The following NAV2 variants were observed in gnomAD, a reference collection of about 807,000 sequenced individuals.
NAV2 encodes the protein neuron navigator 2.
NAV2 carries 54 observed loss-of-function variants against 223.2 expected under a neutral mutation model. That is an observed-to-expected ratio of 0.24 (90% confidence interval 0.19 to 0.30). The LOEUF (loss-of-function observed/expected upper bound fraction) is 0.30, where lower values mean the gene tolerates loss of function less well. Ranked by LOEUF, NAV2 falls within the 10% of genes least tolerant of loss-of-function variation. The pLI is 1.00. For synonymous variants in NAV2, 1,279 were observed against 1,239.3 expected (o/e 1.03, Z -0.67); for missense variants, 2,806 against 3,147.5 (o/e 0.89, Z 2.60).
intron 1 of NAV2, among the ~76,000 whole-genome samples, chr11:19,697,060 G>C (rs1470557201): frequency 6.6e-6 from 1 of 152,210 alleles, no homozygotes; most frequent in Non-Finnish European, 1.5e-5. Context: ...TCAGAGAGCT[G>C]TACTTACCTC....
chr11:19,530,655 G>C (rs2044002950), intron 1 of NAV2, among the ~76,000 whole-genome samples: 1 of 152,208 alleles, frequency 6.6e-6, no homozygotes. Context: ...CTGTGGTTTT[G>C]TGACAAGCTC....
At chr11:19,424,109 TG>T (rs1850729053) in intron 1 of NAV2, among the ~76,000 whole-genome samples, 1 of 152,240 alleles carries the variant, frequency 6.6e-6, no homozygotes, top group Admixed American at 6.5e-5. Flanking sequence ...TGAGCTGCTT[TG>T]GCAGGGAAAT....
At chr11:19,516,224 T>A (rs1015027148) in intron 1 of NAV2, among the ~76,000 whole-genome samples, 5 of 152,182 alleles carry the variant, frequency 3.3e-5, no homozygotes, top group Non-Finnish European at 7.3e-5. Context: ...ATGATGGGGA[T>A]CTTTTGTCTT....
intron 1 of NAV2, among the ~76,000 whole-genome samples, chr11:19,493,340 T>C (rs1212566308): frequency 1.3e-5 from 2 of 152,244 alleles, no homozygotes; most frequent in South Asian, 2.1e-4. Context: ...TTATACAGCA[T>C]GATCTCATAA....
chr11:19,831,462 G>A (rs2059939083), intron 1 of NAV2, among the ~76,000 whole-genome samples: 1 of 151,896 alleles, frequency 6.6e-6, no homozygotes, highest in Non-Finnish European at 1.5e-5. Flanking sequence ...GTTGAGGCAG[G>A]ACATTCTCCT....
At chr11:19,386,010 C>T (rs1203764079) in intron 1 of NAV2, among the ~76,000 whole-genome samples, 2 of 152,128 alleles carry the variant, frequency 1.3e-5, no homozygotes, top group East Asian at 3.9e-4. Flanking sequence ...ATGATCCACC[C>T]GCCCTGGCCT....
At chr11:19,907,538 A>C (rs757118462) in intron 6 of NAV2, among the ~76,000 whole-genome samples, 1 of 151,844 alleles carries the variant, frequency 6.6e-6, no homozygotes, top group South Asian at 2.1e-4. Flanking sequence ...GGGAGGGGGA[A>C]TTTGAGACAG....
At chr11:19,761,501 A>G (rs1239185047) in intron 1 of NAV2, among the ~76,000 whole-genome samples, 1 of 152,200 alleles carries the variant, frequency 6.6e-6, no homozygotes, top group African/African-American at 2.4e-5. Context: ...TCCACCAGGT[A>G]AAGACCAGAG....
At chr11:20,010,089 A>G (rs370172832) in intron 11 of NAV2, among the ~76,000 whole-genome samples, 5 of 152,200 alleles carry the variant, frequency 3.3e-5, no homozygotes, top group Admixed American at 2.0e-4. Context: ...CTGCTCAGAC[A>G]GGTAGACTAG....
intron 1 of NAV2, among the ~76,000 whole-genome samples, chr11:19,830,886 T>C (rs1250599151): frequency 1.3e-5 from 2 of 152,182 alleles, no homozygotes. Flanking sequence ...TTGAAAATAC[T>C]CTTGCTTTAC....
At chr11:19,488,492 G>A (rs952541216) in intron 1 of NAV2, among the ~76,000 whole-genome samples, 4 of 152,170 alleles carry the variant, frequency 2.6e-5, no homozygotes, top group African/African-American at 9.7e-5. Flanking sequence ...CAAGATAAAG[G>A]TGAGGGAGGG....
In NAV2 at chr11:20,121,476, A is replaced by C. The variant is rs900753393; in HGVS notation, c.*3218A>C. On this transcript the variant is annotated 3_prime_UTR_variant, in exon 38 of 38. Transcript: ENST00000349880. ...CCTACCTATTTAATTTTCATTTGTC[A>C]TGAGGTTTTTGGATTTGCCAATGAT... The C allele has an allele frequency of 1.3e-5, 2 of 151,216 alleles. No individual in the cohort carries two copies. The highest frequency in any genetic ancestry group is 1.3e-4 in the Admixed American group (2 of 15,126). The allele number at this position is 151,216 out of a possible 1,614,324, so 9.4% of individuals were successfully genotyped here. A position where few individuals can be genotyped will look rare whatever the true frequency, so the allele number is the denominator to read the frequency against.
At chr11:19,442,909 C>G (rs188572272) in intron 1 of NAV2, among the ~76,000 whole-genome samples, 1 of 152,184 alleles carries the variant, frequency 6.6e-6, no homozygotes, top group Non-Finnish European at 1.5e-5. Context: ...TCAGCTGCCC[C>G]TTCCACCATC....
At chr11:19,893,187 G>A (rs1298494863) in intron 6 of NAV2, among the ~76,000 whole-genome samples, 2 of 151,726 alleles carry the variant, frequency 1.3e-5, no homozygotes, top group African/African-American at 4.8e-5. Flanking sequence ...TTTTTAGGAT[G>A]GAGAAAAATA....
intron 1 of NAV2, among the ~76,000 whole-genome samples, chr11:19,399,291 G>C (rs1215816127): frequency 6.6e-6 from 1 of 152,196 alleles, no homozygotes; most frequent in Non-Finnish European, 1.5e-5. Flanking sequence ...TCAGAAGTCA[G>C]ATTCTAACCT....
intron 1 of NAV2, among the ~76,000 whole-genome samples, chr11:19,685,134 C>T (rs1253013790): frequency 6.6e-6 from 1 of 152,170 alleles, no homozygotes; most frequent in East Asian, 1.9e-4. Flanking sequence ...GGCCAGCCTC[C>T]AGCGAATCCC....
intron 32 of NAV2, among the ~76,000 whole-genome samples, chr11:20,101,938 C>T (rs1648133229): frequency 6.6e-6 from 1 of 152,230 alleles, no homozygotes; most frequent in Non-Finnish European, 1.5e-5. Context: ...TTGGAAATGA[C>T]TCCTTCGCCT....
rs142250008 is a variant in NAV2, at chr11:19,459,026, A to G, written c.75+107999A>G. Among the ~76,000 whole-genome samples the G allele has an allele frequency of 8.6e-3, 1,317 of 152,350 alleles. 22 individuals are homozygous for G. Among genetic ancestry groups the G allele is most frequent in the African/African-American group, 0.03 (1,252 of 41,592 alleles). On this transcript the variant is annotated intron_variant, in intron 1 of 37. Transcript: ENST00000360655. Reference sequence around the variant, plus strand: ...GGGCTGGGGAGAATAAAAGGAGATGAGCGTGGGAAGGCGGGCTGGGGTCCT... The same window carrying G: ...GGGCTGGGGAGAATAAAAGGAGATGGGCGTGGGAAGGCGGGCTGGGGTCCT...
intron 1 of NAV2, among the ~76,000 whole-genome samples, chr11:19,650,824 A>G (rs551966504): frequency 6.6e-6 from 1 of 152,240 alleles, no homozygotes; most frequent in African/African-American, 2.4e-5. Flanking sequence ...AACAAAAAAG[A>G]CTATATACAG....
Sources: gnomAD v4.1 joint callset for allele counts (sites outside exome capture counted in the v4.1 genomes callset) on GRCh38, gnomAD v4.1.1 for gene constraint, MANE v1.5 for transcripts, NCBI Gene and HGNC (gene_info 2026-07-23, HGNC 2026-07-21) for gene names.